The following PITPNC1 variants were observed in gnomAD, a reference collection of about 807,000 sequenced individuals.
PITPNC1 encodes cytoplasmic phosphatidylinositol transfer protein 1.
PITPNC1 carries 18 observed loss-of-function variants against 44.7 expected under a neutral mutation model. The observed-to-expected ratio is 0.40, with a 90% CI of 0.28 to 0.60. PITPNC1 has a LOEUF of 0.60. PITPNC1 is among the 20% of genes least tolerant of loss of function. The pLI, the probability that PITPNC1 is intolerant of heterozygous loss-of-function variation, is 0.39. For missense variants in PITPNC1, 290 were observed against 418.4 expected (o/e 0.69, Z 2.68); for synonymous variants, 141 against 149.6 (o/e 0.94, Z 0.42).
intron 8 of PITPNC1, among the ~76,000 whole-genome samples, chr17:67,692,275 C>T (rs2537844): frequency 2.0e-5 from 3 of 152,074 alleles, no homozygotes; most frequent in Non-Finnish European, 2.9e-5. Flanking sequence ...ATATTTCCCC[C>T]GTCTAGTTCT....
intron 5 of PITPNC1, among the ~76,000 whole-genome samples, chr17:67,626,819 GA>G (rs35662161): frequency 0.11 from 12,490 of 117,978 alleles, 1,392 homozygotes; most frequent in African/African-American, 0.3. Context: ...TCAGACTCAT[GA>G]AAAAAAAAAA....
At chr17:67,486,843 C>A (rs2039784772) in intron 1 of PITPNC1, among the ~76,000 whole-genome samples, 1 of 151,870 alleles carries the variant, frequency 6.6e-6, no homozygotes, top group South Asian at 2.1e-4. Context: ...ATTGTGGAGG[C>A]CAGACGTGGT....
chr17:67,496,680 C>A (rs2039956679), intron 1 of PITPNC1, among the ~76,000 whole-genome samples: 1 of 152,068 alleles, frequency 6.6e-6, no homozygotes, highest in Non-Finnish European at 1.5e-5. Flanking sequence ...CAGTGATTTT[C>A]AACCCCAGAC....
intron 4 of PITPNC1, 156 bp from the exon 5 acceptor site, chr17:67,578,030 C>G: frequency 1.4e-6 from 1 of 690,794 alleles, no homozygotes; most frequent in South Asian, 1.5e-5. Context: ...AGGCGGCTTT[C>G]CTTTGTCTGA....
At chr17:67,524,023 G>A (rs141828201) in intron 1 of PITPNC1, among the ~76,000 whole-genome samples, 2,514 of 151,964 alleles carry the variant, frequency 0.017, 49 homozygotes, top group South Asian at 0.029. Context: ...TCTTGGCCAG[G>A]CTAGTCTTGA....
intron 5 of PITPNC1, among the ~76,000 whole-genome samples, chr17:67,586,576 CAA>C (rs940242394): frequency 2.0e-5 from 3 of 151,654 alleles, no homozygotes; most frequent in Admixed American, 1.3e-4. Context: ...GCCGGGGTGA[CAA>C]GAGCAAAACT....
intron 1 of PITPNC1, among the ~76,000 whole-genome samples, chr17:67,401,687 T>C (rs2038314125): frequency 6.6e-6 from 1 of 151,790 alleles, no homozygotes. Context: ...CCACTAAAAA[T>C]ACAAAAATTA....
At chr17:67,639,278 T>C (rs2042067755) in intron 6 of PITPNC1, among the ~76,000 whole-genome samples, 1 of 152,186 alleles carries the variant, frequency 6.6e-6, no homozygotes. Flanking sequence ...ATTAATGAAT[T>C]CCTTTAGTTA....
chr17:67,396,195 A>G (rs941335306), intron 1 of PITPNC1, among the ~76,000 whole-genome samples: 2 of 152,148 alleles, frequency 1.3e-5, no homozygotes, highest in Non-Finnish European at 2.9e-5. Flanking sequence ...TAGAGGTCCA[A>G]ATGGAATAAT....
chr17:67,673,018 ATGC>A (rs2042540876), intron 7 of PITPNC1, among the ~76,000 whole-genome samples: 1 of 152,112 alleles, frequency 6.6e-6, no homozygotes, highest in African/African-American at 2.4e-5. Flanking sequence ...TGATGCCTCG[ATGC>A]TGTTCTTTTG....
intron 6 of PITPNC1, among the ~76,000 whole-genome samples, chr17:67,653,455 T>C (rs1034481508): frequency 3.3e-5 from 5 of 152,236 alleles, no homozygotes; most frequent in East Asian, 1.9e-4. Flanking sequence ...CCAGTCCTGA[T>C]GACACCTCGA....
intron 1 of PITPNC1, among the ~76,000 whole-genome samples, chr17:67,443,893 C>A (rs1407952219): frequency 6.6e-6 from 1 of 152,010 alleles, no homozygotes; most frequent in East Asian, 1.9e-4. Flanking sequence ...CCTCAGCCTC[C>A]CAAAGTGCTG....
chr17:67,653,498 A>G (rs576546276), intron 6 of PITPNC1, among the ~76,000 whole-genome samples: 4 of 152,320 alleles, frequency 2.6e-5, no homozygotes, highest in African/African-American at 7.2e-5. Context: ...ACTGTGAAAC[A>G]ATAAATTTCT....
chr17:67,509,599 T>TAAATAAAA (rs776492887), intron 1 of PITPNC1, among the ~76,000 whole-genome samples: 435 of 149,220 alleles, frequency 2.9e-3, no homozygotes, highest in Non-Finnish European at 4.2e-3. Flanking sequence ...AATAAATAAA[T>TAAATAAAA]AAAACGTGTT....
intron 8 of PITPNC1, among the ~76,000 whole-genome samples, chr17:67,677,637 G>A (rs953519044): frequency 4.0e-5 from 6 of 151,012 alleles, no homozygotes; most frequent in South Asian, 4.2e-4. Flanking sequence ...GCACAATCTC[G>A]GCTCACTGCA....
At chr17:67,500,713 A>G (rs1161453290) in intron 1 of PITPNC1, among the ~76,000 whole-genome samples, 2 of 150,708 alleles carry the variant, frequency 1.3e-5, no homozygotes, top group African/African-American at 4.9e-5. Context: ...GCCAGGCTGG[A>G]GTACAGTGGC....
intron 6 of PITPNC1, chr17:67,632,514 C>G: frequency 5.3e-6 from 2 of 377,424 alleles, no homozygotes; most frequent in Non-Finnish European, 9.4e-6. Flanking sequence ...TAGGGCTGGA[C>G]CATCCAACAC....
intron 1 of PITPNC1, among the ~76,000 whole-genome samples, chr17:67,468,352 T>C (rs1171502110): frequency 6.6e-6 from 1 of 150,622 alleles, no homozygotes; most frequent in Non-Finnish European, 1.5e-5. Context: ...GGGAGTCCCT[T>C]GGGGAAGCCG....
chr17:67,463,900 G>GA (rs1042883255), intron 1 of PITPNC1, among the ~76,000 whole-genome samples: 1,646 of 143,896 alleles, frequency 0.011, 18 homozygotes, highest in African/African-American at 0.031. Context: ...TTTCAAAAAA[G>GA]AAAAAAAAAA....
Sources: allele counts gnomAD v4.1 joint callset (sites outside exome capture counted in the v4.1 genomes callset), GRCh38; gene constraint gnomAD v4.1.1; transcripts MANE v1.5; gene names NCBI Gene and HGNC (gene_info 2026-07-23, HGNC 2026-07-21).